Variants in TRMT11 observed in about 807,000 individuals in gnomAD.
TRMT11 encodes tRNA methyltransferase 11, also known as tRNA (guanine(10)-N(2))-methyltransferase TRMT11.
Under a neutral mutation model 62.8 loss-of-function variants are expected in TRMT11, and 53 were observed. That is an observed-to-expected ratio of 0.84 (90% CI 0.68 to 1.06). TRMT11 has a LOEUF of 1.06. TRMT11 is among the 50% of genes least tolerant of loss of function. The pLI is 0.00. For synonymous variants in TRMT11, 188 were observed against 190.3 expected (o/e 0.99, Z 0.10); for missense variants, 556 against 553.4 (o/e 1.00, Z -0.05).
chr6:126,211,515 C>G, the TRMT11 span, among the ~76,000 whole-genome samples: 1 of 151,984 alleles, frequency 6.6e-6, no homozygotes, highest in African/African-American at 2.4e-5. Flanking sequence ...CTACTGTGCC[C>G]CTTATAACTC....
At chr6:126,109,910 T>A (rs1777511028) in intron 17 of TRMT11, among the ~76,000 whole-genome samples, 1 of 152,158 alleles carries the variant, frequency 6.6e-6, no homozygotes. Flanking sequence ...GCAGAATTAT[T>A]GTACAAGACC....
chr6:126,069,940 A>G (rs941421156), intron 17 of TRMT11, among the ~76,000 whole-genome samples: 4 of 151,608 alleles, frequency 2.6e-5, no homozygotes, highest in Admixed American at 2.0e-4. Flanking sequence ...ACTTTTGAAG[A>G]GTCACATAGA....
intron 1 of TRMT11, among the ~76,000 whole-genome samples, chr6:126,179,871 CT>C (rs1778435697): frequency 6.6e-6 from 1 of 152,092 alleles, no homozygotes; most frequent in Non-Finnish European, 1.5e-5. Context: ...TAACTTACCT[CT>C]AATAATTAGG....
intron 17 of TRMT11, among the ~76,000 whole-genome samples, chr6:126,095,428 G>A (rs1777329266): frequency 6.6e-6 from 1 of 152,184 alleles, no homozygotes; most frequent in African/African-American, 2.4e-5. Context: ...GCCCTAGGAT[G>A]GAGTTGATTG....
intron 21 of TRMT11, among the ~76,000 whole-genome samples, chr6:126,133,068 G>A (rs990905438): frequency 7.2e-5 from 11 of 151,958 alleles, no homozygotes; most frequent in South Asian, 6.2e-4. Flanking sequence ...CTTTTCTTCC[G>A]CAGTACAAGG....
the TRMT11 span, among the ~76,000 whole-genome samples, chr6:126,247,235 G>C: frequency 3.3e-5 from 5 of 152,290 alleles, no homozygotes; most frequent in South Asian, 8.3e-4. Context: ...CTGGCAGAGA[G>C]AGCCCAGACT....
the TRMT11 span, among the ~76,000 whole-genome samples, chr6:126,256,188 T>C: frequency 0.012 from 1,797 of 152,326 alleles, 37 homozygotes; most frequent in African/African-American, 0.04. Flanking sequence ...CTTTAAGATA[T>C]GATGACTGTG....
intron 21 of TRMT11, among the ~76,000 whole-genome samples, chr6:126,136,875 C>G (rs1021339387): frequency 6.6e-6 from 1 of 150,748 alleles, no homozygotes; most frequent in Non-Finnish European, 1.5e-5. Context: ...CAAGAATATA[C>G]GCTGGGGGAA....
the TRMT11 span, among the ~76,000 whole-genome samples, chr6:126,243,402 A>G: frequency 1.3e-5 from 2 of 152,158 alleles, no homozygotes; most frequent in Non-Finnish European, 2.9e-5. Context: ...CTAGAACTAG[A>G]AATACCATTT....
chr6:126,211,905 C>G, the TRMT11 span, among the ~76,000 whole-genome samples: 1 of 151,894 alleles, frequency 6.6e-6, no homozygotes, highest in African/African-American at 2.4e-5. Context: ...GTATTAGTAA[C>G]CATCCTCTCT....
chr6:126,235,473 A>G, the TRMT11 span, among the ~76,000 whole-genome samples: 1 of 152,248 alleles, frequency 6.6e-6, no homozygotes, highest in African/African-American at 2.4e-5. Context: ...TCAGTGATAG[A>G]CAGGATAAAG....
At chr6:126,153,312 C>T (rs1387345560) in intron 21 of TRMT11, among the ~76,000 whole-genome samples, 1 of 152,126 alleles carries the variant, frequency 6.6e-6, no homozygotes, top group Non-Finnish European at 1.5e-5. Flanking sequence ...ACATACAAAA[C>T]ACTTAAACAT....
the TRMT11 span, among the ~76,000 whole-genome samples, chr6:126,212,624 C>T: frequency 3.9e-5 from 6 of 151,964 alleles, no homozygotes; most frequent in African/African-American, 9.7e-5. Context: ...TTTGATCAGA[C>T]TATTAGTTTT....
chr6:126,001,297 A>T (rs982497228), intron 7 of TRMT11, among the ~76,000 whole-genome samples: 11 of 151,926 alleles, frequency 7.2e-5, no homozygotes, highest in African/African-American at 2.2e-4. Context: ...GATGTCTTTG[A>T]TTTGGAACAC....
intron 11 of TRMT11, 140 bp downstream of exon 11, chr6:126,013,241 G>A (rs957113020): frequency 2.6e-6 from 2 of 764,568 alleles, no homozygotes; most frequent in Middle Eastern, 3.6e-4. Context: ...CTTCAAATGT[G>A]TATAAAATAG....
chr6:126,180,244 A>T (rs951516690), intron 1 of TRMT11, among the ~76,000 whole-genome samples: 13 of 152,190 alleles, frequency 8.5e-5, no homozygotes, highest in African/African-American at 3.1e-4. Context: ...ATGTATTATA[A>T]TTTTTTAAAA....
intron 11 of TRMT11, among the ~76,000 whole-genome samples, chr6:126,020,509 A>G (rs914331564): frequency 1.3e-5 from 2 of 152,198 alleles, no homozygotes; most frequent in African/African-American, 2.4e-5. Flanking sequence ...CATGTGCTGT[A>G]CAGTAGCAGT....
intron 1 of TRMT11, among the ~76,000 whole-genome samples, chr6:126,192,733 A>G (rs1188404062): frequency 1.3e-5 from 2 of 152,108 alleles, no homozygotes; most frequent in African/African-American, 4.8e-5. Context: ...TGTTGATATG[A>G]TGTATCATGT....
chr6:126,061,170 C>A (rs892579496), intron 17 of TRMT11, among the ~76,000 whole-genome samples: 4 of 152,150 alleles, frequency 2.6e-5, no homozygotes, highest in Admixed American at 6.5e-5. Flanking sequence ...ATCTGAAGCC[C>A]CAGAGCTTTT....
Sources: allele counts gnomAD v4.1 joint callset (sites outside exome capture counted in the v4.1 genomes callset), GRCh38; gene constraint gnomAD v4.1.1; transcripts MANE v1.5; gene names NCBI Gene and HGNC (gene_info 2026-07-23, HGNC 2026-07-21).